Variants in LHFPL6 observed in about 807,000 individuals in gnomAD.
The protein encoded by LHFPL6 is LHFPL tetraspan subfamily member 6 protein.
In LHFPL6, 9 loss-of-function variants were observed where a neutral mutation model predicts 20.6. The ratio of observed to expected loss-of-function variants is 0.44; its 90% CI spans 0.26 to 0.76. The LOEUF is 0.76. Among genes scored for constraint, LHFPL6 ranks in the 30% least tolerant of loss-of-function variants. The pLI is 0.20. For synonymous variants in LHFPL6, 105 were observed against 98.7 expected (o/e 1.06, Z -0.38); for missense variants, 218 against 253.5 (o/e 0.86, Z 0.95).
intron 2 of LHFPL6, among the ~76,000 whole-genome samples, chr13:39,468,581 T>C (rs1391889644): frequency 3.3e-5 from 5 of 152,216 alleles, no homozygotes; most frequent in Non-Finnish European, 7.3e-5. Flanking sequence ...TATCTCTTCA[T>C]CCTTGGCCAT....
intron 2 of LHFPL6, among the ~76,000 whole-genome samples, chr13:39,568,745 C>T (rs1422447654): frequency 2.0e-5 from 3 of 152,180 alleles, no homozygotes; most frequent in Non-Finnish European, 2.9e-5. Context: ...CCCCTACATC[C>T]TCTAATGTTC....
rs1871327571 is a variant in LHFPL6 at position 39,557,086 on chromosome 13, T to G, written c.385+43746A>C. Among the ~76,000 whole-genome samples the G allele has an allele frequency of 2.0e-5, 3 of 152,138 alleles. 1 individual carries two copies. In the South Asian group the frequency reaches 6.2e-4, roughly 31 times the overall value. On this transcript the variant is annotated intron_variant, in intron 2 of 3. Transcript: ENST00000379589. ...CAACCACCTGCTAGAGAGATTACTA[T>G]GACTAAAAGGGTGCCAAGTGTTACT...
At chr13:39,516,409 TG>T (rs1869919277) in intron 2 of LHFPL6, among the ~76,000 whole-genome samples, 2 of 152,244 alleles carry the variant, frequency 1.3e-5, no homozygotes, top group African/African-American at 4.8e-5. Flanking sequence ...TTTGCTGTCA[TG>T]GGGTAACAAA....
chr13:39,391,390 G>C (rs893155560), intron 2 of LHFPL6, among the ~76,000 whole-genome samples: 1 of 152,090 alleles, frequency 6.6e-6, no homozygotes, highest in Non-Finnish European at 1.5e-5. Flanking sequence ...CAACTTTCTT[G>C]CCTTTCTCTT....
At chr13:39,579,221 GC>G (rs1593372081) in intron 2 of LHFPL6, among the ~76,000 whole-genome samples, 2 of 152,144 alleles carry the variant, frequency 1.3e-5, no homozygotes, top group South Asian at 2.1e-4. Flanking sequence ...TAGGAGTGAG[GC>G]AGGCATGCAG....
intron 2 of LHFPL6, among the ~76,000 whole-genome samples, chr13:39,545,485 C>A (rs984988283): frequency 2.0e-5 from 3 of 152,038 alleles, no homozygotes; most frequent in Non-Finnish European, 4.4e-5. Flanking sequence ...AACCCACTTA[C>A]TAGCTCTGGG....
intron 2 of LHFPL6, among the ~76,000 whole-genome samples, chr13:39,431,723 G>C (rs1871812528): frequency 6.8e-6 from 1 of 147,052 alleles, no homozygotes; most frequent in Admixed American, 6.8e-5. Context: ...TTTGTGGGGG[G>C]GGGGGGCTTC....
chr13:39,518,056 G>C (rs891052172), intron 2 of LHFPL6, among the ~76,000 whole-genome samples: 4 of 152,106 alleles, frequency 2.6e-5, no homozygotes, highest in Non-Finnish European at 1.5e-5. Context: ...ATTCCCGCTA[G>C]GTGATCTTTC....
chr13:39,581,978 T>C (rs1398986604), intron 2 of LHFPL6, among the ~76,000 whole-genome samples: 1 of 152,248 alleles, frequency 6.6e-6, no homozygotes, highest in African/African-American at 2.4e-5. Context: ...AACACTGTTT[T>C]CATAAATCTA....
intron 2 of LHFPL6, among the ~76,000 whole-genome samples, chr13:39,546,578 T>G (rs556236329): frequency 1.7e-4 from 26 of 152,222 alleles, no homozygotes; most frequent in African/African-American, 6.0e-4. Flanking sequence ...TTTACAACCC[T>G]CCAGCTGGGT....
At chr13:39,458,972 A>G (rs1258494399) in intron 2 of LHFPL6, among the ~76,000 whole-genome samples, 1 of 152,168 alleles carries the variant, frequency 6.6e-6, no homozygotes, top group Non-Finnish European at 1.5e-5. Flanking sequence ...GGCCTTTTAA[A>G]ATCTTACTTG....
At chr13:39,408,750 A>G (rs1274634809) in intron 2 of LHFPL6, among the ~76,000 whole-genome samples, 12 of 152,252 alleles carry the variant, frequency 7.9e-5, no homozygotes. Context: ...GCCTGTCAAC[A>G]TCCAAAACAG....
chr13:39,582,315 G>A (rs936246729), intron 2 of LHFPL6, among the ~76,000 whole-genome samples: 4 of 152,166 alleles, frequency 2.6e-5, no homozygotes, highest in Admixed American at 6.5e-5. Flanking sequence ...CCAGAGTCCA[G>A]GGTCTCATTC....
At chr13:39,589,354 C>T (rs1044864629) in intron 2 of LHFPL6, among the ~76,000 whole-genome samples, 1 of 152,134 alleles carries the variant, frequency 6.6e-6, no homozygotes, top group African/African-American at 2.4e-5. Context: ...ATCTGCCCAC[C>T]TCGGCCTCCC....
chr13:39,559,802 A>G (rs1387235641), intron 2 of LHFPL6, among the ~76,000 whole-genome samples: 1 of 152,270 alleles, frequency 6.6e-6, no homozygotes, highest in African/African-American at 2.4e-5. Context: ...AATCTTCTCA[A>G]CTATATTATT....
intron 2 of LHFPL6, among the ~76,000 whole-genome samples, chr13:39,426,250 C>T (rs1871634148): frequency 1.4e-5 from 2 of 141,240 alleles, no homozygotes; most frequent in African/African-American, 5.2e-5. Flanking sequence ...GATGGAGTTT[C>T]ACTCTTGTTG....
At chr13:39,553,612 G>A (rs1871209343) in intron 2 of LHFPL6, among the ~76,000 whole-genome samples, 1 of 152,150 alleles carries the variant, frequency 6.6e-6, no homozygotes, top group Non-Finnish European at 1.5e-5. Context: ...CAGCTACTCA[G>A]GAAGCTGAGG....
intron 2 of LHFPL6, among the ~76,000 whole-genome samples, chr13:39,403,148 G>C (rs1462505842): frequency 6.6e-6 from 1 of 152,170 alleles, no homozygotes; most frequent in Non-Finnish European, 1.5e-5. Context: ...GGAAAAACAG[G>C]GATCAATACA....
chr13:39,589,832 T>C (rs1872549003), intron 2 of LHFPL6, among the ~76,000 whole-genome samples: 1 of 152,314 alleles, frequency 6.6e-6, no homozygotes, highest in East Asian at 1.9e-4. Context: ...TCAGATATTT[T>C]GGCATTCTCC....
Sources: allele counts gnomAD v4.1 joint callset (sites outside exome capture counted in the v4.1 genomes callset), GRCh38; gene constraint gnomAD v4.1.1; transcripts MANE v1.5; gene names NCBI Gene and HGNC (gene_info 2026-07-23, HGNC 2026-07-21).